Variants in METAP1 observed in about 807,000 individuals in gnomAD.
METAP1 encodes the protein methionine aminopeptidase 1.
Under a neutral mutation model 53.8 loss-of-function variants are expected in METAP1, and 28 were observed. The ratio of observed to expected loss-of-function variants is 0.52; its 90% confidence interval spans 0.39 to 0.71. METAP1 has a LOEUF of 0.71. Among genes scored for constraint, METAP1 ranks in the 30% least tolerant of loss-of-function variants. The probability of loss-of-function intolerance (pLI) is 0.00; values close to 1 mark genes in which losing one functional copy is unlikely to be tolerated. For synonymous variants in METAP1, 181 were observed against 165.7 expected (o/e 1.09, Z -0.71); for missense variants, 389 against 479.8 (o/e 0.81, Z 1.77).
chr4:99,048,906 C>G (rs1726474035), intron 9 of METAP1, 30 bp downstream of exon 9: 1 of 1,600,350 alleles, frequency 6.2e-7, no homozygotes, highest in Non-Finnish European at 8.5e-7. Context: ...TTGGTATAAG[C>G]TCACCATTTA....
chr4:99,056,929 T>C (rs1359299577), intron 9 of METAP1, among the ~76,000 whole-genome samples: 2 of 152,166 alleles, frequency 1.3e-5, no homozygotes, highest in Non-Finnish European at 1.5e-5. Flanking sequence ...GTGGCGCAAT[T>C]GATCTCAGCT....
intron 1 of METAP1, among the ~76,000 whole-genome samples, chr4:99,018,909 C>T (rs750406829): frequency 3.0e-4 from 46 of 152,212 alleles, no homozygotes; most frequent in Non-Finnish European, 5.3e-4. Context: ...CAGGGGAATC[C>T]GTAACTCCCT....
chr4:99,031,333 T>A (rs1725006727), intron 2 of METAP1, among the ~76,000 whole-genome samples: 2 of 152,190 alleles, frequency 1.3e-5, no homozygotes, highest in East Asian at 1.9e-4. Context: ...ATCGCTGACA[T>A]ATTCAGTGTG....
chr4:99,024,524 C>A lies in METAP1; in HGVS notation c.115-4343C>A, dbSNP rs1336697371. ...GAGAGTCAAAGCTGTCCTCTTGTGC[C>A]GAGTCAGTTCCTGGGTGGGGGCCAC... On this transcript the variant is annotated intron_variant, in intron 1 of 10. Coordinates refer to ENST00000296411, the MANE Select transcript of METAP1 (RefSeq NM_015143.3). Among the ~76,000 whole-genome samples the A allele has an allele frequency of 2.0e-5, 3 of 152,164 alleles. No homozygotes were observed. The East Asian group carries it at 5.8e-4, about 29-fold the overall frequency.
intron 9 of METAP1, among the ~76,000 whole-genome samples, chr4:99,051,776 T>G (rs912747709): frequency 2.8e-5 from 4 of 143,566 alleles, no homozygotes; most frequent in Admixed American, 1.4e-4. Context: ...CTATTGAGGG[T>G]TTTTTTTTTT....
chr4:99,060,585 A>G (rs537951363), intron 10 of METAP1, among the ~76,000 whole-genome samples: 10 of 152,010 alleles, frequency 6.6e-5, no homozygotes, highest in Admixed American at 6.6e-4. Context: ...GGATGGTCTC[A>G]ATCTCCTGAC....
intron 1 of METAP1, chr4:99,025,275 C>A (rs996767215): frequency 1.4e-6 from 1 of 736,060 alleles, no homozygotes; most frequent in Non-Finnish European, 1.7e-6. Context: ...TAGGAATGAA[C>A]AAGGACAGCT....
intron 3 of METAP1, among the ~76,000 whole-genome samples, chr4:99,034,939 T>C (rs954538470): frequency 2.6e-5 from 4 of 152,198 alleles, no homozygotes; most frequent in Non-Finnish European, 5.9e-5. Context: ...TTTGTCACCC[T>C]TAAATATTTA....
chr4:99,025,970 G>C (rs554558886), intron 1 of METAP1, among the ~76,000 whole-genome samples: 2 of 152,160 alleles, frequency 1.3e-5, no homozygotes, highest in Non-Finnish European at 2.9e-5. Context: ...CACCTGGAAG[G>C]CTCCTTCCCC....
intron 2 of METAP1, 25 bp from the exon 3 acceptor site, chr4:99,034,198 CTTCCTCT>C: frequency 7.7e-7 from 1 of 1,292,210 alleles, no homozygotes; most frequent in Non-Finnish European, 1.1e-6. Flanking sequence ...CCTTCTCCTC[CTTCCTCT>C]CATATCTATT....
At chr4:98,995,971 C>A in intron 1 of METAP1, 104 bp downstream of exon 1, 6 of 888,912 alleles carry the variant, frequency 6.7e-6, no homozygotes, top group South Asian at 5.8e-5. Flanking sequence ...ACGCGCTCCT[C>A]CTCTTCCCCC....
At chr4:99,015,230 C>G (rs549892985) in intron 1 of METAP1, among the ~76,000 whole-genome samples, 3 of 152,298 alleles carry the variant, frequency 2.0e-5, no homozygotes, top group African/African-American at 7.2e-5. Flanking sequence ...CTTAAGTCTG[C>G]TTTAAGTCAT....
chr4:99,046,501 CT>C (rs1726245509), intron 8 of METAP1, among the ~76,000 whole-genome samples: 1 of 152,150 alleles, frequency 6.6e-6, no homozygotes. Context: ...TGGTTAAATC[CT>C]TACCATATCA....
intron 6 of METAP1, among the ~76,000 whole-genome samples, chr4:99,041,947 C>T (rs1006147393): frequency 6.6e-6 from 1 of 151,806 alleles, no homozygotes; most frequent in South Asian, 2.1e-4. Context: ...TAAGACGTAT[C>T]GTATGCAATA....
At chr4:99,060,633 G>A (rs888236909) in intron 10 of METAP1, among the ~76,000 whole-genome samples, 2 of 152,062 alleles carry the variant, frequency 1.3e-5, no homozygotes, top group African/African-American at 4.8e-5. Context: ...AAAGTGCTGG[G>A]ATTACAGGCG....
At chr4:99,025,848 C>T (rs922190549) in intron 1 of METAP1, among the ~76,000 whole-genome samples, 1 of 152,216 alleles carries the variant, frequency 6.6e-6, no homozygotes, top group African/African-American at 2.4e-5. Context: ...GCTTCATCTG[C>T]ATGGTAAAAA....
intron 2 of METAP1, chr4:99,031,437 A>C: frequency 7.8e-7 from 1 of 1,275,310 alleles, no homozygotes; most frequent in East Asian, 5.6e-5. Context: ...TTAATAAAAG[A>C]ACTCTAAGTA....
chr4:99,017,737 T>C (rs145401245), intron 1 of METAP1, among the ~76,000 whole-genome samples: 2 of 152,364 alleles, frequency 1.3e-5, no homozygotes, highest in Non-Finnish European at 2.9e-5. Context: ...CCTTATGGGG[T>C]GTACTTACTG....
chr4:99,013,490 A>G (rs1723584876), intron 1 of METAP1, among the ~76,000 whole-genome samples: 1 of 152,196 alleles, frequency 6.6e-6, no homozygotes, highest in Non-Finnish European at 1.5e-5. Flanking sequence ...TCTCTTAGCA[A>G]GGCTGGTTTA....
Sources: gnomAD v4.1 joint callset for allele counts (sites outside exome capture counted in the v4.1 genomes callset) on GRCh38, gnomAD v4.1.1 for gene constraint, MANE v1.5 for transcripts, NCBI Gene and HGNC (gene_info 2026-07-23, HGNC 2026-07-21) for gene names.